Variants in EXOC2 observed in about 807,000 individuals in gnomAD.
EXOC2 encodes the protein SEC5-like 1.
A neutral mutation model predicts 131.8 loss-of-function variants in EXOC2; 70 were observed. That is an observed-to-expected ratio of 0.53 (90% CI 0.44 to 0.65). The LOEUF is 0.65. Among genes scored for constraint, EXOC2 ranks in the 30% least tolerant of loss-of-function variants. The pLI, the probability that EXOC2 is intolerant of heterozygous loss-of-function variation, is 0.00. For missense variants in EXOC2, 923 were observed against 1,108.6 expected, an observed-to-expected ratio of 0.83 and a Z score of 2.38; for synonymous variants, 411 against 398.4, an observed-to-expected ratio of 1.03 and a Z score of -0.38.
At chr6:554,388 A>G (rs1216348872) in intron 20 of EXOC2, among the ~76,000 whole-genome samples, 1 of 152,212 alleles carries the variant, frequency 6.6e-6, no homozygotes, top group Non-Finnish European at 1.5e-5. Flanking sequence ...AGCTCGAAGA[A>G]GGTACTATGG....
intron 6 of EXOC2, among the ~76,000 whole-genome samples, chr6:614,379 G>A (rs376880615): frequency 6.6e-6 from 1 of 152,204 alleles, no homozygotes; most frequent in Admixed American, 6.5e-5. Flanking sequence ...TGTGTGTCAC[G>A]GACTGTTACC....
At chr6:532,670 T>A (rs1237735295) in intron 22 of EXOC2, 60 bp from the exon 23 acceptor site, 1 of 1,341,786 alleles carries the variant, frequency 7.5e-7, no homozygotes, top group Non-Finnish European at 9.7e-7. Flanking sequence ...AAAAGTAAAA[T>A]AATGTTAACA....
chr6:551,211 CGTT>C (rs1180020788), intron 21 of EXOC2, among the ~76,000 whole-genome samples: 4 of 152,178 alleles, frequency 2.6e-5, no homozygotes, highest in Admixed American at 2.6e-4. Flanking sequence ...TGATCCCCCA[CGTT>C]CCGTTCAGGA....
intron 7 of EXOC2, 70 bp from the exon 8 acceptor site, chr6:599,295 T>A: frequency 7.1e-7 from 1 of 1,416,492 alleles, no homozygotes; most frequent in Non-Finnish European, 9.5e-7. Flanking sequence ...AACTGGGCAC[T>A]AGAAACAAAA....
intron 25 of EXOC2, 69 bp from the exon 26 acceptor site, chr6:491,255 G>C: frequency 4.0e-6 from 6 of 1,517,782 alleles, no homozygotes; most frequent in Non-Finnish European, 5.5e-6. Context: ...AAGTACTAAG[G>C]TTAAGGGTCT....
At chr6:545,039 C>T (rs1003086408) in intron 22 of EXOC2, among the ~76,000 whole-genome samples, 4 of 149,198 alleles carry the variant, frequency 2.7e-5, no homozygotes, top group Non-Finnish European at 4.5e-5. Flanking sequence ...CCCAGCTACT[C>T]GGGAGGCTGA....
intron 4 of EXOC2, among the ~76,000 whole-genome samples, chr6:621,912 C>T (rs1761312042): frequency 6.6e-6 from 1 of 152,174 alleles, no homozygotes; most frequent in Non-Finnish European, 1.5e-5. Flanking sequence ...TATCTGCACC[C>T]CATGCCTCCA....
Position 562,813 on chromosome 6 carries a change from T to C in EXOC2, c.1822A>G (p.Ile608Val). 6.2e-7 allele frequency: 1 copy of C among 1,600,358 alleles called. No homozygotes were observed. Among genetic ancestry groups the C allele is most frequent in the Non-Finnish European group, 8.5e-7 (1 of 1,174,938 alleles). The change falls in exon 17 of 28, where the codon ATT becomes GTT. Residue 608 changes from isoleucine (I) to valine (V), a missense_variant. Transcript: ENST00000230449. ...GAAGTCAGTCCTTCATTGTCAACAA[T>C]CCAGTCTTCTTTTTCAGCTAATCTC... Reference protein sequence around the residue: ...IKRLAEKEDWIVDNEGLTSLP... With the variant: ...IKRLAEKEDWVVDNEGLTSLP...
rs778764993 is a variant in EXOC2, at chr6:499,664, A to G, written c.2417T>C (p.Ile806Thr). Residue 806 changes from isoleucine to threonine, a missense_variant, in exon 24 of 28, where the codon ATA becomes ACA. By Grantham distance (89) the Ile-to-Thr change is moderately conservative. Coordinates refer to ENST00000230449, the MANE Select transcript of EXOC2 (RefSeq NM_018303.6). ...RNYLKEALVN[I>T]IAVHAEVFTI... ...CTTTACCTCTGCATGCACGGCAATT[A>G]TATTCACCAGTGCTTCTTTTAAATA... 6.2e-7 allele frequency: 1 copy of G among 1,613,946 alleles called. No homozygotes were observed. Among genetic ancestry groups the G allele is most frequent in the Admixed American group, 1.7e-5 (1 of 60,008 alleles).
chr6:630,175 C>T (rs1283790269), intron 3 of EXOC2, among the ~76,000 whole-genome samples: 1 of 152,100 alleles, frequency 6.6e-6, no homozygotes, highest in Non-Finnish European at 1.5e-5. Flanking sequence ...AAAATTACAC[C>T]TCTCAGCTTA....
chr6:604,879 G>T (rs1040328276), intron 7 of EXOC2, among the ~76,000 whole-genome samples: 16 of 151,550 alleles, frequency 1.1e-4, no homozygotes, highest in African/African-American at 3.6e-4. Flanking sequence ...CTCTCTTAAG[G>T]CTCCTGTGTC....
At chr6:603,668 C>T (rs958244269) in intron 7 of EXOC2, among the ~76,000 whole-genome samples, 14 of 151,894 alleles carry the variant, frequency 9.2e-5, no homozygotes, top group African/African-American at 2.7e-4. Context: ...ACTGAGCAAA[C>T]GTCAGTTTCT....
At chr6:527,603 G>A (rs1446746776) in intron 23 of EXOC2, among the ~76,000 whole-genome samples, 1 of 152,246 alleles carries the variant, frequency 6.6e-6, no homozygotes, top group Non-Finnish European at 1.5e-5. Flanking sequence ...CGGGCAGGAG[G>A]TTACCCTACT....
At chr6:516,175 A>C (rs1765155287) in intron 23 of EXOC2, among the ~76,000 whole-genome samples, 1 of 152,114 alleles carries the variant, frequency 6.6e-6, no homozygotes, top group African/African-American at 2.4e-5. Context: ...ATTAAATCTC[A>C]CCTTACCGCA....
intron 25 of EXOC2, among the ~76,000 whole-genome samples, chr6:494,759 G>A (rs112930510): frequency 0.026 from 4,028 of 152,238 alleles, 176 homozygotes; most frequent in South Asian, 0.21. Flanking sequence ...TCACTGTGCT[G>A]TATCAGTAAT....
chr6:545,953 A>G (rs1431010069), intron 22 of EXOC2, among the ~76,000 whole-genome samples: 1 of 152,206 alleles, frequency 6.6e-6, no homozygotes. Flanking sequence ...AGAAAAATAC[A>G]ATGTCAAATG....
intron 23 of EXOC2, among the ~76,000 whole-genome samples, chr6:504,010 C>G (rs534366687): frequency 1.3e-5 from 2 of 152,356 alleles, no homozygotes; most frequent in Non-Finnish European, 2.9e-5. Flanking sequence ...CTTTCAAACA[C>G]CTGTGTCCAA....
At chr6:658,144 A>G (rs1423508067) in intron 1 of EXOC2, among the ~76,000 whole-genome samples, 5 of 152,118 alleles carry the variant, frequency 3.3e-5, no homozygotes, top group African/African-American at 9.7e-5. Flanking sequence ...ATAATTCACT[A>G]AACAATCCAC....
intron 1 of EXOC2, among the ~76,000 whole-genome samples, chr6:680,289 G>A (rs1171041435): frequency 6.6e-6 from 1 of 152,126 alleles, no homozygotes; most frequent in African/African-American, 2.4e-5. Flanking sequence ...AAGTTATTTT[G>A]CAGTTGATGT....
Sources: gnomAD v4.1 joint callset for allele counts (sites outside exome capture counted in the v4.1 genomes callset) on GRCh38, gnomAD v4.1.1 for gene constraint, MANE v1.5 for transcripts, NCBI Gene and HGNC (gene_info 2026-07-23, HGNC 2026-07-21) for gene names.